Variants in CCDC158 observed in about 807,000 individuals in gnomAD.
CCDC158 encodes the protein coiled-coil domain containing 158.
CCDC158 carries 116 observed loss-of-function variants against 138.6 expected under a neutral mutation model. The ratio of observed to expected loss-of-function variants is 0.84; its 90% CI spans 0.72 to 0.98. The LOEUF (loss-of-function observed/expected upper bound fraction) is 0.98. Among genes scored for constraint, CCDC158 ranks in the 50% least tolerant of loss-of-function variants. The pLI is 0.00. For missense variants in CCDC158, 1,265 were observed against 1,306.1 expected (o/e 0.97, Z 0.48); for synonymous variants, 436 against 442.4 (o/e 0.99, Z 0.18).
At chr4:76,386,545 T>C (rs996618780) in intron 4 of CCDC158, among the ~76,000 whole-genome samples, 1 of 152,278 alleles carries the variant, frequency 6.6e-6, no homozygotes, top group African/African-American at 2.4e-5. Flanking sequence ...TAGTGTACTT[T>C]CATTTTCAAT....
At chr4:76,382,461 A>C (rs1485756208) in intron 8 of CCDC158, 149 bp downstream of exon 8, 14 of 603,896 alleles carry the variant, frequency 2.3e-5, no homozygotes, top group Non-Finnish European at 3.5e-5. Context: ...ATGTTACATA[A>C]TACTTCCTGT....
In CCDC158 at chr4:76,384,311, C is replaced by G. The variant is rs1726577308; in HGVS notation, c.503G>C (p.Ser168Thr). 2.5e-6 allele frequency: 4 copies of G among 1,613,998 alleles called. No homozygotes were observed. The highest frequency in any genetic ancestry group is 3.4e-6 in the Non-Finnish European group (4 of 1,180,004). The change falls in exon 6 of 25, where the codon AGC becomes ACC. Residue 168 changes from serine (S) to threonine (T), a missense_variant. Transcript: ENST00000682701. ...KCLKEDMLKD[S>T]NTQIEQLRKM... ...TCGTAGTTGCTCTATCTGTGTGTTG[C>G]TGTCTTTCAGCATGTCCTCTTTAAG...
intron 18 of CCDC158, chr4:76,345,171 C>A: frequency 1.0e-6 from 1 of 999,556 alleles, no homozygotes; most frequent in South Asian, 1.3e-5. Context: ...CAAAAAGTAC[C>A]TATTGAAGGT....
Position 76,417,551 on chromosome 4 carries a change from G to A in CCDC158, c.-117+3414C>T, listed in dbSNP as rs1220296268. On this transcript the variant is annotated intron_variant, in intron 1 of 24. Transcript: ENST00000682701. ...CCCAGAATTCCCATGTGTCATGGGA[G>A]CGACCCAGGGGGAGGTAATTTTCTC... 2.6e-5 allele frequency among the ~76,000 whole-genome samples: 4 copies of A among 152,226 alleles called. No homozygotes were observed. The East Asian group carries it at 7.7e-4, about 29-fold the overall frequency.
intron 23 of CCDC158, 85 bp downstream of exon 23, chr4:76,325,772 A>T: frequency 1.6e-6 from 2 of 1,216,728 alleles, no homozygotes; most frequent in East Asian, 4.8e-5. Flanking sequence ...CAGCATGCAA[A>T]ACCTTAATTC....
At chr4:76,313,860 G>A (rs183048744) in intron 24 of CCDC158, among the ~76,000 whole-genome samples, 105 of 152,202 alleles carry the variant, frequency 6.9e-4, no homozygotes, top group African/African-American at 2.0e-3. Flanking sequence ...ATAACAAAAC[G>A]TCAATAAGTT....
At chr4:76,393,457 T>C (rs1727490920) in intron 4 of CCDC158, among the ~76,000 whole-genome samples, 1 of 152,152 alleles carries the variant, frequency 6.6e-6, no homozygotes, top group South Asian at 2.1e-4. Context: ...TAGATCCCTA[T>C]CTCTCACCAT....
intron 18 of CCDC158, among the ~76,000 whole-genome samples, chr4:76,336,800 C>A (rs1030370549): frequency 2.0e-5 from 3 of 152,186 alleles, no homozygotes; most frequent in African/African-American, 7.2e-5. Context: ...AGAGAACTGT[C>A]CCCCTTGCTT....
At chr4:76,316,693 C>T (rs1237102) in intron 24 of CCDC158, among the ~76,000 whole-genome samples, 2 of 152,004 alleles carry the variant, frequency 1.3e-5, no homozygotes, top group Non-Finnish European at 2.9e-5. Context: ...TGGAAAGAAT[C>T]TTAAGAGCTG....
intron 12 of CCDC158, among the ~76,000 whole-genome samples, chr4:76,365,496 GTCT>G (rs1724566753): frequency 6.6e-6 from 1 of 152,138 alleles, no homozygotes; most frequent in Non-Finnish European, 1.5e-5. Flanking sequence ...TTCCAACACT[GTCT>G]TCTTCATGTT....
At chr4:76,368,330 T>A (rs575672382) in intron 11 of CCDC158, among the ~76,000 whole-genome samples, 2 of 152,282 alleles carry the variant, frequency 1.3e-5, no homozygotes, top group East Asian at 3.9e-4. Context: ...AGGAAAAAAA[T>A]GAATAATGGC....
chr4:76,343,074 A>G (rs1404576218), intron 18 of CCDC158, among the ~76,000 whole-genome samples: 1 of 152,230 alleles, frequency 6.6e-6, no homozygotes, highest in Non-Finnish European at 1.5e-5. Context: ...CCATAGAGAT[A>G]TCTATCTTGT....
intron 18 of CCDC158, among the ~76,000 whole-genome samples, chr4:76,336,435 G>A (rs1260860684): frequency 6.6e-6 from 1 of 152,042 alleles, no homozygotes; most frequent in Non-Finnish European, 1.5e-5. Flanking sequence ...AAAATATCAA[G>A]GCTGGAGGCG....
At chr4:76,336,269 T>C (rs887949106) in intron 18 of CCDC158, among the ~76,000 whole-genome samples, 1 of 151,992 alleles carries the variant, frequency 6.6e-6, no homozygotes, top group Non-Finnish European at 1.5e-5. Context: ...CATTCTTTTA[T>C]TGACTTTATC....
At chr4:76,336,376 A>G (rs867401196) in intron 18 of CCDC158, among the ~76,000 whole-genome samples, 12 of 152,144 alleles carry the variant, frequency 7.9e-5, no homozygotes, top group Non-Finnish European at 1.6e-4. Flanking sequence ...CATTGTCTTT[A>G]TATATTCCAT....
chr4:76,344,848 C>G (rs1486221540), intron 18 of CCDC158: 1 of 1,588,916 alleles, frequency 6.3e-7, no homozygotes, highest in African/African-American at 1.3e-5. Flanking sequence ...GGGTCTATGA[C>G]CAAAGAAGAA....
At position 76,328,921 on chromosome 4, in the gene CCDC158, A is replaced by C; in HGVS notation, c.2989T>G (p.Cys997Gly). The C allele has an allele frequency of 6.2e-7, 1 of 1,613,982 alleles. No homozygotes were observed. Among genetic ancestry groups the C allele is most frequent in the South Asian group, 1.1e-5 (1 of 91,080 alleles). Residue 997 changes from cysteine (C) to glycine (G), a missense_variant, in exon 22 of 25, where the codon TGC becomes GGC. Transcript: ENST00000682701. ...HAGDREDPSGCFTFTSAASPS... is the reference protein window; with the variant it reads ...HAGDREDPSGGFTFTSAASPS... ...TCACCTGCAGATGTGAATGTGAAGCAACCAGAGGGATCTTCCCTGTCTCCT... is the reference window on the plus strand; with the variant it reads ...TCACCTGCAGATGTGAATGTGAAGCCACCAGAGGGATCTTCCCTGTCTCCT...
intron 24 of CCDC158, among the ~76,000 whole-genome samples, chr4:76,316,055 T>G (rs1719357844): frequency 6.6e-6 from 1 of 152,182 alleles, no homozygotes; most frequent in South Asian, 2.1e-4. Context: ...AAAACAAGGT[T>G]TGATAACATC....
chr4:76,313,077 A>C lies in CCDC158; in HGVS notation c.*93T>G. 6 of 691,280 alleles carry C rather than the reference A, an allele frequency of 8.7e-6. No individual in the cohort carries two copies. The highest frequency in any genetic ancestry group is 1.4e-5 in the Non-Finnish European group (6 of 421,114). The allele number at this position is 691,280 out of a possible 1,614,324, so 42.8% of individuals were successfully genotyped here. On this transcript the variant is annotated 3_prime_UTR_variant, in exon 25 of 25. Coordinates refer to ENST00000682701, the MANE Select transcript of CCDC158 (RefSeq NM_001394954.1). ...ACAGGGTATCTTTTATTAAATTTTC[A>C]CATAAAAAGAAAAAGTACACAGGGC...
Sources: allele counts gnomAD v4.1 joint callset (sites outside exome capture counted in the v4.1 genomes callset), GRCh38; gene constraint gnomAD v4.1.1; transcripts MANE v1.5; gene names NCBI Gene and HGNC (gene_info 2026-07-23, HGNC 2026-07-21).